The following RPH3A variants were observed in gnomAD, a reference collection of about 807,000 sequenced individuals.
RPH3A encodes rabphilin-3A.
Under a neutral mutation model 102.2 loss-of-function variants are expected in RPH3A, and 48 were observed. That is an observed-to-expected ratio of 0.47 (90% CI 0.37 to 0.60). The LOEUF is 0.60. Among genes scored for constraint, RPH3A ranks in the 20% least tolerant of loss-of-function variants. The pLI is 0.00. For missense variants in RPH3A, 781 were observed against 910.1 expected (o/e 0.86, Z 1.83); for synonymous variants, 310 against 324.3 (o/e 0.96, Z 0.47).
intron 1 of RPH3A, among the ~76,000 whole-genome samples, chr12:112,706,844 G>C (rs759833391): frequency 1.3e-5 from 2 of 152,162 alleles, no homozygotes; most frequent in African/African-American, 4.8e-5. Context: ...ACAGACTTAA[G>C]CTTACTCCTG....
chr12:112,808,801 G>T (rs372326445), intron 2 of RPH3A, among the ~76,000 whole-genome samples: 1 of 152,126 alleles, frequency 6.6e-6, no homozygotes, highest in Non-Finnish European at 1.5e-5. Context: ...TCTGAGGAGC[G>T]GGTATGAATT....
intron 10 of RPH3A, among the ~76,000 whole-genome samples, chr12:112,872,187 A>G (rs1467680431): frequency 2.0e-5 from 3 of 152,158 alleles, no homozygotes; most frequent in Admixed American, 6.6e-5. Flanking sequence ...TCATTTCTCC[A>G]TGTCCTCACC....
intron 1 of RPH3A, among the ~76,000 whole-genome samples, chr12:112,630,483 G>T (rs752079666): frequency 9.9e-5 from 15 of 152,196 alleles, no homozygotes; most frequent in Non-Finnish European, 1.9e-4. Flanking sequence ...CATGGAGTTG[G>T]TGTCATCTTG....
chr12:112,826,761 G>A (rs1371121445), intron 2 of RPH3A, among the ~76,000 whole-genome samples: 1 of 152,176 alleles, frequency 6.6e-6, no homozygotes, highest in Non-Finnish European at 1.5e-5. Flanking sequence ...TACATGCGCT[G>A]TATCAGAAGC....
chr12:112,601,730 A>T (rs2039560973), intron 1 of RPH3A, among the ~76,000 whole-genome samples: 1 of 152,084 alleles, frequency 6.6e-6, no homozygotes, highest in Non-Finnish European at 1.5e-5. Context: ...ACAGGAGTTC[A>T]CTACCAGCCT....
At chr12:112,577,511 T>C (rs987835484) in intron 1 of RPH3A, among the ~76,000 whole-genome samples, 1 of 152,224 alleles carries the variant, frequency 6.6e-6, no homozygotes, top group African/African-American at 2.4e-5. Context: ...TTTGGCTGGC[T>C]TCTTTACCAT....
At chr12:112,609,124 T>G (rs2039619616) in intron 1 of RPH3A, among the ~76,000 whole-genome samples, 1 of 152,196 alleles carries the variant, frequency 6.6e-6, no homozygotes, top group Non-Finnish European at 1.5e-5. Context: ...TCTTACATAA[T>G]GCCACCACCA....
chr12:112,739,468 G>T (rs1592973312), intron 1 of RPH3A, among the ~76,000 whole-genome samples: 1 of 152,166 alleles, frequency 6.6e-6, no homozygotes, highest in African/African-American at 2.4e-5. Flanking sequence ...ATGCCCTTAT[G>T]CCTGCCCTTA....
intron 1 of RPH3A, among the ~76,000 whole-genome samples, chr12:112,775,790 G>T (rs2040961669): frequency 6.6e-6 from 1 of 152,208 alleles, no homozygotes; most frequent in Non-Finnish European, 1.5e-5. Flanking sequence ...GGCAGTGGTG[G>T]TAGGGGGAAA....
chr12:112,583,199 C>T lies in RPH3A; in HGVS notation c.-140+7880C>T, dbSNP rs140501572. ...GTTCTTTTGTCTGCACGGCTAATAA[C>T]GACATTATCCTCAACGACAATAATA... On this transcript the variant is annotated intron_variant, in intron 1 of 21. Transcript: ENST00000543106. Among the ~76,000 whole-genome samples the T allele has an allele frequency of 7.5e-4, 114 of 152,222 alleles. 1 individual carries two copies. The highest frequency in any genetic ancestry group is 2.6e-3 in the African/African-American group (110 of 41,534).
In RPH3A at chr12:112,704,645, G is replaced by C. The variant is rs180746852; in HGVS notation, c.-139-87498G>C. Among the ~76,000 whole-genome samples, 368 of 152,320 alleles carry C rather than the reference G, an allele frequency of 2.4e-3. 4 individuals carry two copies. The highest frequency in any genetic ancestry group is 1.9e-3 in the East Asian group (10 of 5,190). Reference sequence around the variant, plus strand: ...AGATCCTACCCCAAGGTGCCTTCCAGTCCTGCTGATGGGGGATGCTCACCT... The same window carrying C: ...AGATCCTACCCCAAGGTGCCTTCCACTCCTGCTGATGGGGGATGCTCACCT... On this transcript the variant is annotated intron_variant, in intron 1 of 21. Transcript: ENST00000543106.
At chr12:112,768,092 A>C (rs781689196) in intron 1 of RPH3A, among the ~76,000 whole-genome samples, 3 of 152,200 alleles carry the variant, frequency 2.0e-5, no homozygotes, top group Non-Finnish European at 4.4e-5. Flanking sequence ...TACACTCTAA[A>C]ATGATGAATG....
chr12:112,722,720 TG>T (rs1259822813), intron 1 of RPH3A, among the ~76,000 whole-genome samples: 2 of 152,166 alleles, frequency 1.3e-5, no homozygotes, highest in Non-Finnish European at 2.9e-5. Context: ...ATGTTGTGGT[TG>T]GGGCTGCAGC....
chr12:112,871,245 G>T (rs1464645685), intron 10 of RPH3A, among the ~76,000 whole-genome samples: 1 of 152,158 alleles, frequency 6.6e-6, no homozygotes, highest in East Asian at 1.9e-4. Context: ...GTACAATTCA[G>T]TGGTGTAAAG....
chr12:112,750,198 G>T (rs1164216851), intron 1 of RPH3A, among the ~76,000 whole-genome samples: 2 of 152,202 alleles, frequency 1.3e-5, no homozygotes, highest in African/African-American at 4.8e-5. Context: ...AAGGCCACGA[G>T]TAATAATGCA....
At chr12:112,847,907 C>G in intron 5 of RPH3A, 65 bp downstream of exon 5, 1 of 1,570,460 alleles carries the variant, frequency 6.4e-7, no homozygotes, top group Admixed American at 1.8e-5. Context: ...TGGGCTGGAG[C>G]AGGGCTTTGG....
intron 13 of RPH3A, 43 bp downstream of exon 13, chr12:112,876,909 C>T (rs762140392): frequency 1.8e-5 from 26 of 1,475,550 alleles, no homozygotes; most frequent in Non-Finnish European, 2.2e-5. Flanking sequence ...AAAATCACTT[C>T]AGGAGCCAAG....
chr12:112,648,261 A>G (rs73194705), intron 1 of RPH3A, among the ~76,000 whole-genome samples: 10,144 of 152,112 alleles, frequency 0.067, 434 homozygotes, highest in Non-Finnish European at 0.099. Flanking sequence ...ATGTCACATA[A>G]AGGTATCATA....
At chr12:112,887,591 T>C (rs7979081) in intron 16 of RPH3A, among the ~76,000 whole-genome samples, 66,707 of 152,066 alleles carry the variant, frequency 0.44, 15,083 homozygotes, top group East Asian at 0.6. Context: ...AGCTATAAAC[T>C]AAATTTATGT....
Sources: allele counts gnomAD v4.1 joint callset (sites outside exome capture counted in the v4.1 genomes callset), GRCh38; gene constraint gnomAD v4.1.1; transcripts MANE v1.5; gene names NCBI Gene and HGNC (gene_info 2026-07-23, HGNC 2026-07-21).